CR1L: variants seen among roughly 807,000 people sequenced by gnomAD.
The protein encoded by CR1L is complement C3b/C4b receptor 1 like.
A neutral mutation model predicts 62.3 loss-of-function variants in CR1L; 59 were observed. The observed-to-expected ratio is 0.95, with a 90% confidence interval of 0.77 to 1.18. The LOEUF (loss-of-function observed/expected upper bound fraction) is 1.18, where lower values mean the gene tolerates loss of function less well. Among genes scored for constraint, CR1L ranks in the 50% most tolerant of loss-of-function variants. CR1L has a pLI of 0.00. For missense variants in CR1L, 700 were observed against 702.8 expected (o/e 1.00, Z 0.04); for synonymous variants, 279 against 248.7 (o/e 1.12, Z -1.15).
chr1:207,671,061 T>A (rs528001804), intron 1 of CR1L, among the ~76,000 whole-genome samples: 2 of 150,970 alleles, frequency 1.3e-5, no homozygotes, highest in Non-Finnish European at 2.9e-5. Flanking sequence ...AGTGTTCTGG[T>A]TTTTCCAGAC....
Position 207,710,689 on chromosome 1 carries a change from G to A in CR1L, c.1414+2426G>A, listed in dbSNP as rs546235331. 124 of 1,610,128 alleles carry A rather than the reference G, an allele frequency of 7.7e-5. No individual in the cohort carries two copies. The African/African-American group carries it at 1.3e-3, about 17-fold the overall frequency. On this transcript the variant is annotated intron_variant, in intron 10 of 11. Transcript: ENST00000508064. ...CCTTAAATGAAGTTGTGGAGTTTAG[G>A]TGTCAGCCTGGCTTTGTCATGAAAG...
chr1:207,679,153 A>AT (rs34703217), intron 3 of CR1L, among the ~76,000 whole-genome samples: 34,857 of 90,480 alleles, frequency 0.39, 7,208 homozygotes, highest in Non-Finnish European at 0.45. Context: ...GCCCACCACC[A>AT]TTTTTTTTTT....
At chr1:207,655,180 T>C in intron 1 of CR1L, 1 of 596,184 alleles carries the variant, frequency 1.7e-6, no homozygotes, top group Non-Finnish European at 3.1e-6. Flanking sequence ...CCCTTTCTTT[T>C]CCCATTTAGT....
chr1:207,712,096 G>A (rs769335974), intron 10 of CR1L, among the ~76,000 whole-genome samples: 7 of 152,180 alleles, frequency 4.6e-5, no homozygotes, highest in African/African-American at 7.2e-5. Context: ...TGGCTCATCC[G>A]TGAATTCTGT....
At chr1:207,664,514 A>G (rs1291253395) in intron 1 of CR1L, among the ~76,000 whole-genome samples, 1 of 152,154 alleles carries the variant, frequency 6.6e-6, no homozygotes, top group Non-Finnish European at 1.5e-5. Flanking sequence ...TTTTTAGTGG[A>G]CTGATATATG....
intron 9 of CR1L, among the ~76,000 whole-genome samples, chr1:207,707,231 A>G (rs1348041814): frequency 1.3e-5 from 2 of 152,224 alleles, no homozygotes; most frequent in African/African-American, 4.8e-5. Flanking sequence ...TGTCTCTGTC[A>G]TCGGAAATAA....
chr1:207,669,466 A>G (rs1294352402), intron 1 of CR1L: 2 of 1,504,068 alleles, frequency 1.3e-6, no homozygotes, highest in Admixed American at 3.4e-5. Context: ...TTCTCCGAGA[A>G]GCCGGGAGCC....
chr1:207,646,517 C>T (rs1375527119), intron 1 of CR1L, among the ~76,000 whole-genome samples: 1 of 151,928 alleles, frequency 6.6e-6, no homozygotes, highest in Non-Finnish European at 1.5e-5. Flanking sequence ...TCAAGATCAG[C>T]CTGGACAACA....
chr1:207,695,883 G>T (rs1664094963), intron 5 of CR1L, among the ~76,000 whole-genome samples: 1 of 152,126 alleles, frequency 6.6e-6, no homozygotes, highest in Admixed American at 6.6e-5. Flanking sequence ...CTAGGGTGAT[G>T]GTGATAAACC....
intron 7 of CR1L, among the ~76,000 whole-genome samples, chr1:207,698,393 TG>T (rs1258102996): frequency 6.6e-6 from 1 of 152,230 alleles, no homozygotes; most frequent in Non-Finnish European, 1.5e-5. Flanking sequence ...TGGCTAGTCA[TG>T]GGCTCTGGGC....
At chr1:207,700,976 G>A (rs1005329462) in intron 8 of CR1L, among the ~76,000 whole-genome samples, 5 of 152,162 alleles carry the variant, frequency 3.3e-5, no homozygotes, top group Non-Finnish European at 7.3e-5. Context: ...TTTTTCAATT[G>A]TGGGATAAGA....
At chr1:207,717,750 A>C in intron 11 of CR1L, 59 bp downstream of exon 11, 1 of 1,580,454 alleles carries the variant, frequency 6.3e-7, no homozygotes, top group Non-Finnish European at 8.6e-7. Context: ...GAGAACCTTC[A>C]TATTTCTATA....
intron 1 of CR1L, among the ~76,000 whole-genome samples, chr1:207,645,625 C>T (rs1267170016): frequency 6.6e-6 from 1 of 152,170 alleles, no homozygotes; most frequent in East Asian, 1.9e-4. Context: ...GCCCAGTCAG[C>T]AAGGGGAGGG....
chr1:207,680,690 T>C (rs11118340), intron 3 of CR1L, among the ~76,000 whole-genome samples: 15,099 of 152,246 alleles, frequency 0.099, 1,186 homozygotes, highest in East Asian at 0.38. Flanking sequence ...ATGAGAAGAC[T>C]GTGGCTATGC....
chr1:207,657,061 G>T, intron 1 of CR1L: 1 of 589,320 alleles, frequency 1.7e-6, no homozygotes, highest in East Asian at 2.8e-5. Context: ...TGAAGACACA[G>T]AAATTTTACT....
chr1:207,685,316 C>A (rs75758158), intron 4 of CR1L, among the ~76,000 whole-genome samples: 9,164 of 152,232 alleles, frequency 0.06, 611 homozygotes, highest in East Asian at 0.36. Flanking sequence ...GTCTCCCATC[C>A]GTTGGTGCTG....
intron 5 of CR1L, among the ~76,000 whole-genome samples, chr1:207,695,227 G>A (rs1301011924): frequency 6.6e-6 from 1 of 152,174 alleles, no homozygotes; most frequent in African/African-American, 2.4e-5. Context: ...CCTGGCTCAA[G>A]CAATTCTCCT....
At chr1:207,662,073 T>A (rs1255901237) in intron 1 of CR1L, among the ~76,000 whole-genome samples, 1 of 152,240 alleles carries the variant, frequency 6.6e-6, no homozygotes, top group Non-Finnish European at 1.5e-5. Context: ...CTGGCTGCCC[T>A]TAACATTTTT....
chr1:207,657,794 C>A (rs74935684), intron 1 of CR1L, among the ~76,000 whole-genome samples: 6,130 of 152,144 alleles, frequency 0.04, 173 homozygotes, highest in Middle Eastern at 0.13. Flanking sequence ...GGGGACTTGC[C>A]CGTTTAAACA....
Sources: allele counts gnomAD v4.1 joint callset (sites outside exome capture counted in the v4.1 genomes callset), GRCh38; gene constraint gnomAD v4.1.1; transcripts MANE v1.5; gene names NCBI Gene and HGNC (gene_info 2026-07-23, HGNC 2026-07-21).